SDK2: variants seen among roughly 807,000 people sequenced by gnomAD.
SDK2 encodes protein sidekick-2.
Under a neutral mutation model 253.9 loss-of-function variants are expected in SDK2, and 105 were observed. The ratio of observed to expected loss-of-function variants is 0.41; its 90% CI spans 0.35 to 0.49. SDK2 has a LOEUF of 0.49. SDK2 is among the 20% of genes least tolerant of loss of function. The pLI, the probability that SDK2 is intolerant of heterozygous loss-of-function variation, is 0.06. For synonymous variants in SDK2, 1,249 were observed against 1,234.9 expected (o/e 1.01, Z -0.24); for missense variants, 2,608 against 3,003.0 (o/e 0.87, Z 3.07).
At chr17:73,588,736 T>G (rs1678463144) in intron 1 of SDK2, among the ~76,000 whole-genome samples, 1 of 152,196 alleles carries the variant, frequency 6.6e-6, no homozygotes, top group Admixed American at 6.5e-5. Context: ...TGGCCCAAAG[T>G]GTCAGTAGTG....
At chr17:73,501,829 G>C (rs1353069653) in intron 2 of SDK2, among the ~76,000 whole-genome samples, 1 of 152,182 alleles carries the variant, frequency 6.6e-6, no homozygotes, top group East Asian at 1.9e-4. Context: ...TAGAATCCCA[G>C]GTATTCCTTA....
At chr17:73,444,977 C>A (rs970291167) in intron 5 of SDK2, among the ~76,000 whole-genome samples, 18 of 152,222 alleles carry the variant, frequency 1.2e-4, no homozygotes, top group African/African-American at 4.1e-4. Context: ...TTAATTTTAA[C>A]TAATTTACAT....
At chr17:73,486,260 G>C (rs2145721706) in intron 2 of SDK2, among the ~76,000 whole-genome samples, 1 of 152,260 alleles carries the variant, frequency 6.6e-6, no homozygotes, top group South Asian at 2.1e-4. Context: ...GAGGGACTTT[G>C]GTTTTTAAAG....
At chr17:73,433,598 T>G in intron 10 of SDK2, 134 bp downstream of exon 10, 2 of 629,886 alleles carry the variant, frequency 3.2e-6, no homozygotes, top group Non-Finnish European at 5.6e-6. Context: ...CGAGAGATGC[T>G]CTCTTGGGTT....
intron 44 of SDK2, 129 bp downstream of exon 44, chr17:73,348,470 G>A (rs1287761720): frequency 5.3e-6 from 6 of 1,133,466 alleles, no homozygotes; most frequent in African/African-American, 4.7e-5. Flanking sequence ...ACTTCAGGGT[G>A]GTTTCTTGGG....
intron 20 of SDK2, 64 bp downstream of exon 20, chr17:73,401,590 G>T: frequency 7.1e-7 from 1 of 1,412,146 alleles, no homozygotes; most frequent in Non-Finnish European, 9.8e-7. Context: ...GGCAGGGGAT[G>T]GACCAGCTCT....
At position 73,447,783 on chromosome 17, in the gene SDK2, C is replaced by T; in HGVS notation, c.480-35G>A. ...GGAAAAGGATTCCTCTGACAGGGGC[C>T]TAAGGGGCTCTGAACCTCCAGGGAG... On this transcript the variant is annotated intron_variant, in intron 4 of 44. Transcript: ENST00000392650. This position sits in a 1 kb window ranked among gnomAD's most constrained non-coding sequence, Gnocchi z 4.0. 1 of 1,551,334 alleles carries T rather than the reference C, an allele frequency of 6.4e-7. No individual in the cohort carries two copies. The highest frequency in any genetic ancestry group is 8.7e-7 in the Non-Finnish European group (1 of 1,146,796).
chr17:73,518,582 A>G (rs925764834), intron 1 of SDK2: 3 of 152,194 alleles, frequency 2.0e-5, no homozygotes, highest in Admixed American at 6.5e-5. Flanking sequence ...CTCATTTCCA[A>G]TAGGTTTATT....
chr17:73,421,573 CTTTTTTTTT>C (rs36068491), intron 15 of SDK2, among the ~76,000 whole-genome samples: 1 of 90,772 alleles, frequency 1.1e-5, no homozygotes, highest in Admixed American at 1.5e-4. Flanking sequence ...CAATTTCCAT[CTTTTTTTTT>C]TTTTTTTTTT....
intron 44 of SDK2, 129 bp downstream of exon 44, chr17:73,348,470 G>T: frequency 8.8e-7 from 1 of 1,133,582 alleles, no homozygotes; most frequent in Non-Finnish European, 1.2e-6. Flanking sequence ...ACTTCAGGGT[G>T]GTTTCTTGGG....
In SDK2 at chr17:73,338,638, G is replaced by T; in HGVS notation, c.6468C>A (p.Ser2156Arg). 1 of 1,537,162 alleles carries T rather than the reference G, an allele frequency of 6.5e-7. No homozygotes were observed. The highest frequency in any genetic ancestry group is 8.7e-7 in the Non-Finnish European group (1 of 1,146,444). The change falls in exon 45 of 45, where the codon AGC (serine) becomes AGA (arginine). Residue 2156 changes from serine to arginine, a missense_variant. Coordinates refer to ENST00000392650, the MANE Select transcript of SDK2 (RefSeq NM_001144952.2). The surrounding 1 kb of genome is among the most constrained non-coding windows in gnomAD (Gnocchi z 5.0). Reference protein sequence around the residue: ...QQSTLYRPPSSLAPGSRAPIA... With the variant: ...QQSTLYRPPSRLAPGSRAPIA... ...TGGGAGCCCGGGAGCCTGGGGCCAG[G>T]CTGCTGGGGGGACGGTAGAGGGTGC...
intron 22 of SDK2, 144 bp downstream of exon 22, chr17:73,399,024 G>T: frequency 2.6e-6 from 2 of 765,912 alleles, no homozygotes; most frequent in South Asian, 1.8e-5. Context: ...GACAACATTG[G>T]CAAGTGTGAG....
intron 2 of SDK2, chr17:73,504,226 GA>G (rs2063913753): frequency 2.2e-5 from 3 of 137,176 alleles, no homozygotes; most frequent in Non-Finnish European, 3.1e-5. Flanking sequence ...GAGAGAGAGA[GA>G]GAGAGAGAAA....
intron 1 of SDK2, among the ~76,000 whole-genome samples, chr17:73,563,569 A>C (rs1036351399): frequency 5.3e-5 from 8 of 151,976 alleles, no homozygotes; most frequent in Admixed American, 5.2e-4. Flanking sequence ...ACAGAATGAG[A>C]CTCTGTCTCT....
rs2063721369 is a variant in SDK2, at chr17:73,481,207, G to A, written c.225-8989C>T. ...GAAGGTGGGGGAGGGCCCTGGACTT[G>A]TCCCCTCCCAGAGGACAGACACTGG... On this transcript the variant is annotated intron_variant, in intron 2 of 44. Coordinates refer to ENST00000392650, the MANE Select transcript of SDK2 (RefSeq NM_001144952.2). This position sits in a 1 kb window ranked among gnomAD's most constrained non-coding sequence, Gnocchi z 4.5. Among the ~76,000 whole-genome samples, 6 of 152,160 alleles carry A rather than the reference G, an allele frequency of 3.9e-5. No individual in the cohort carries two copies. Among genetic ancestry groups the A allele is most frequent in the Admixed American group, 3.9e-4 (6 of 15,280 alleles).
chr17:73,398,526 C>G (rs2062991920), intron 22 of SDK2, 97 bp from the exon 23 acceptor site: 1 of 1,056,146 alleles, frequency 9.5e-7, no homozygotes, highest in Non-Finnish European at 1.4e-6. Flanking sequence ...GAAGTTGGTT[C>G]AGAACCCAGG....
At chr17:73,485,441 C>T (rs1037732947) in intron 2 of SDK2, among the ~76,000 whole-genome samples, 12 of 152,126 alleles carry the variant, frequency 7.9e-5, no homozygotes, top group African/African-American at 1.7e-4. Context: ...GCTGGGATAA[C>T]GGGGAGGCTG....
chr17:73,365,248 G>A lies in SDK2; in HGVS notation c.5305+10C>T, dbSNP rs764273480. On this transcript the variant is annotated intron_variant, in intron 38 of 44. Coordinates refer to ENST00000392650, the MANE Select transcript of SDK2 (RefSeq NM_001144952.2). ...GGGGGCTGGGGAGCTGTGCTGGGGG[G>A]TCCACTCACCATCCACGGGGCTGCA... is the stretch of plus-strand genomic sequence containing the variant. The A allele has an allele frequency of 6.0e-6, 9 of 1,497,802 alleles. No individual in the cohort carries two copies. In the South Asian group the frequency reaches 7.0e-5, roughly 12 times the overall value. 92.8% of individuals were successfully genotyped at this position (1,497,802 alleles called of 1,614,324 possible).
intron 1 of SDK2, among the ~76,000 whole-genome samples, chr17:73,572,512 G>T: frequency 6.7e-6 from 1 of 148,502 alleles, no homozygotes; most frequent in African/African-American, 2.5e-5. Context: ...TTATCACCCA[G>T]CTCTTCACCT....
Sources: gnomAD v4.1 joint callset for allele counts (sites outside exome capture counted in the v4.1 genomes callset) on GRCh38, gnomAD v4.1.1 for gene constraint, Gnocchi (gnomAD v3.1) non-coding constraint, MANE v1.5 for transcripts, NCBI Gene and HGNC (gene_info 2026-07-23, HGNC 2026-07-21) for gene names.